HTR2C: variants seen among roughly 807,000 people sequenced by gnomAD.
HTR2C encodes 5-hydroxytryptamine (serotonin) receptor 2C, G protein-coupled.
In HTR2C, 5 loss-of-function variants were observed where a neutral mutation model predicts 21.0. The ratio of observed to expected loss-of-function variants is 0.24; its 90% CI spans 0.12 to 0.50. HTR2C has a LOEUF of 0.50. HTR2C is among the 20% of genes least tolerant of loss of function. HTR2C has a pLI of 0.98. For missense variants in HTR2C, 271 were observed against 371.2 expected, an observed-to-expected ratio of 0.73 and a Z score of 2.22; for synonymous variants, 150 against 145.3, an observed-to-expected ratio of 1.03 and a Z score of -0.23.
chrX:114,711,724 A>G (rs1198505816), intron 2 of HTR2C, among the ~76,000 whole-genome samples: 2 of 112,101 alleles, frequency 1.8e-5, no homozygotes, highest in African/African-American at 6.5e-5. Flanking sequence ...ATTTATCAGA[A>G]AAAATAGCTT....
intron 4 of HTR2C, among the ~76,000 whole-genome samples, chrX:114,785,229 A>G (rs1267695597): frequency 1.8e-5 from 2 of 111,737 alleles, no homozygotes; most frequent in African/African-American, 6.5e-5. Context: ...AAAATGTCCA[A>G]TCTTATATAA....
chrX:114,814,873 T>C (rs1374245610), intron 4 of HTR2C, among the ~76,000 whole-genome samples: 1 of 101,315 alleles, frequency 9.9e-6, no homozygotes, highest in Non-Finnish European at 2.0e-5. Flanking sequence ...ATATATGATA[T>C]ATACTATAGA....
intron 4 of HTR2C, among the ~76,000 whole-genome samples, chrX:114,738,748 A>T (rs1221352416): frequency 2.7e-5 from 3 of 110,517 alleles, no homozygotes; most frequent in African/African-American, 9.9e-5. Flanking sequence ...CAGGACATGT[A>T]TACCTATGTA....
At chrX:114,679,934 A>G (rs1456900590) in intron 2 of HTR2C, among the ~76,000 whole-genome samples, 2 of 112,125 alleles carry the variant, frequency 1.8e-5, no homozygotes, top group Non-Finnish European at 3.8e-5. Context: ...AACTCATACT[A>G]AATTCATAAC....
At chrX:114,756,082 C>G (rs946576827) in intron 4 of HTR2C, among the ~76,000 whole-genome samples, 1 of 104,111 alleles carries the variant, frequency 9.6e-6, no homozygotes, top group African/African-American at 3.4e-5. Flanking sequence ...ACACTCCAAC[C>G]TGGGCAACAG....
intron 2 of HTR2C, among the ~76,000 whole-genome samples, chrX:114,695,406 A>G (rs1480331406): frequency 2.7e-5 from 3 of 111,776 alleles, no homozygotes; most frequent in African/African-American, 9.7e-5. Context: ...AATAGGAAGA[A>G]TGCTCTTTGG....
intron 3 of HTR2C, among the ~76,000 whole-genome samples, chrX:114,729,824 A>G (rs961865609): frequency 6.3e-5 from 7 of 111,213 alleles, no homozygotes; most frequent in African/African-American, 2.3e-4. Flanking sequence ...GAACACATAG[A>G]CTCTGAATGT....
At chrX:114,739,495 T>G (rs1556425026) in intron 4 of HTR2C, among the ~76,000 whole-genome samples, 1 of 111,116 alleles carries the variant, frequency 9.0e-6, no homozygotes, top group African/African-American at 3.3e-5. Context: ...TGGAGAAACC[T>G]CCATTTAAAA....
intron 4 of HTR2C, among the ~76,000 whole-genome samples, chrX:114,846,698 G>A (rs1245070885): frequency 8.9e-6 from 1 of 111,940 alleles, no homozygotes; most frequent in Non-Finnish European, 1.9e-5. Flanking sequence ...ACAAAACCCA[G>A]TCAATAGTGA....
At chrX:114,697,656 G>A (rs1322822766) in intron 2 of HTR2C, among the ~76,000 whole-genome samples, 1 of 112,272 alleles carries the variant, frequency 8.9e-6, no homozygotes, top group African/African-American at 3.2e-5. Context: ...GCTACATCCT[G>A]CAATTCTTCT....
chrX:114,781,184 G>A (rs781963644), intron 4 of HTR2C, among the ~76,000 whole-genome samples: 1 of 111,186 alleles, frequency 9.0e-6, no homozygotes, highest in African/African-American at 3.3e-5. Flanking sequence ...ACATAAGAGA[G>A]GTTAAGAAAT....
At chrX:114,729,554 A>G (rs1383297773) in intron 3 of HTR2C, among the ~76,000 whole-genome samples, 1 of 112,083 alleles carries the variant, frequency 8.9e-6, no homozygotes, top group Non-Finnish European at 1.9e-5. Context: ...ATTTTTACTC[A>G]TATTAATCAC....
intron 4 of HTR2C, among the ~76,000 whole-genome samples, chrX:114,829,602 C>G (rs1235372636): frequency 3.6e-5 from 4 of 111,247 alleles, no homozygotes; most frequent in Non-Finnish European, 7.6e-5. Context: ...TGTTTTGTAC[C>G]TTTGGTTTTT....
intron 2 of HTR2C, among the ~76,000 whole-genome samples, chrX:114,672,235 A>G (rs782697620): frequency 1.8e-5 from 2 of 111,618 alleles, no homozygotes; most frequent in Non-Finnish European, 3.8e-5. Context: ...AAAAAGGTAA[A>G]TTAAAAATTA....
chrX:114,710,694 T>C (rs1932878995), intron 2 of HTR2C, among the ~76,000 whole-genome samples: 1 of 111,793 alleles, frequency 8.9e-6, no homozygotes, highest in Non-Finnish European at 1.9e-5. Context: ...TCCACAGGAA[T>C]GACTCAACTG....
At chrX:114,724,237 T>C (rs1556421333) in intron 2 of HTR2C, among the ~76,000 whole-genome samples, 2 of 92,779 alleles carry the variant, frequency 2.2e-5, no homozygotes, top group Non-Finnish European at 4.3e-5. Context: ...TAGTTAGCTC[T>C]TCTTGTTGAA....
At chrX:114,689,539 C>T (rs1932045384) in intron 2 of HTR2C, among the ~76,000 whole-genome samples, 2 of 109,707 alleles carry the variant, frequency 1.8e-5, no homozygotes, top group Non-Finnish European at 3.8e-5. Flanking sequence ...TATGTTTTAA[C>T]TCTGACCATT....
chrX:114,827,393 T>C (rs782169701), intron 4 of HTR2C, among the ~76,000 whole-genome samples: 13 of 111,593 alleles, frequency 1.2e-4, no homozygotes, highest in Admixed American at 1.1e-3. Context: ...TTGGTCTTAG[T>C]TGTAATATGG....
intron 1 of HTR2C, among the ~76,000 whole-genome samples, chrX:114,587,046 G>A (rs1927430173): frequency 9.0e-6 from 1 of 111,646 alleles, no homozygotes; most frequent in Admixed American, 9.5e-5. Context: ...TTATAATTGA[G>A]TCAAGCCTCA....
Sources: allele counts gnomAD v4.1 joint callset (sites outside exome capture counted in the v4.1 genomes callset), GRCh38; gene constraint gnomAD v4.1.1; transcripts MANE v1.5; gene names NCBI Gene and HGNC (gene_info 2026-07-23, HGNC 2026-07-21).